CCSER1: variants seen among roughly 807,000 people sequenced by gnomAD.
CCSER1 encodes serine-rich coiled-coil domain-containing protein 1.
CCSER1 carries 41 observed loss-of-function variants against 82.0 expected under a neutral mutation model. The observed-to-expected ratio is 0.50, with a 90% CI of 0.39 to 0.65. The LOEUF (loss-of-function observed/expected upper bound fraction) is 0.65. Among genes scored for constraint, CCSER1 ranks in the 30% least tolerant of loss-of-function variants. The pLI is 0.00. For synonymous variants in CCSER1, 414 were observed against 383.9 expected (o/e 1.08, Z -0.92); for missense variants, 1,119 against 1,064.2 (o/e 1.05, Z -0.72).
At chr4:90,613,446 A>G (rs1720628970) in intron 5 of CCSER1, among the ~76,000 whole-genome samples, 1 of 152,190 alleles carries the variant, frequency 6.6e-6, no homozygotes, top group Non-Finnish European at 1.5e-5. Flanking sequence ...AAGTTCATGA[A>G]TCTGACCATG....
At chr4:90,480,068 T>G (rs532708592) in intron 5 of CCSER1, among the ~76,000 whole-genome samples, 10 of 152,342 alleles carry the variant, frequency 6.6e-5, no homozygotes, top group African/African-American at 1.9e-4. Flanking sequence ...TGATTGCCAT[T>G]CTAACTGGTG....
chr4:90,375,158 A>T (rs74853888), intron 3 of CCSER1, among the ~76,000 whole-genome samples: 1 of 152,132 alleles, frequency 6.6e-6, no homozygotes, highest in African/African-American at 2.4e-5. Flanking sequence ...GGGACTCAAA[A>T]CTTAATTCTA....
chr4:90,433,620 C>T (rs927313657), intron 4 of CCSER1, among the ~76,000 whole-genome samples: 4 of 152,068 alleles, frequency 2.6e-5, no homozygotes, highest in Non-Finnish European at 5.9e-5. Flanking sequence ...ATGTGGACTA[C>T]ACAGCAAGTT....
intron 9 of CCSER1, among the ~76,000 whole-genome samples, chr4:91,047,229 CAT>C (rs939571174): frequency 1.2e-4 from 18 of 149,884 alleles, no homozygotes; most frequent in African/African-American, 1.8e-4. Flanking sequence ...ATATCCAAAG[CAT>C]ATATATATAC....
chr4:90,564,635 T>G (rs1386968022), intron 5 of CCSER1, among the ~76,000 whole-genome samples: 3 of 152,100 alleles, frequency 2.0e-5, no homozygotes, highest in African/African-American at 7.2e-5. Context: ...CTATTTTTTC[T>G]TCCAGTAGTT....
At chr4:91,315,686 CA>C (rs1745782163) in intron 10 of CCSER1, among the ~76,000 whole-genome samples, 1 of 151,904 alleles carries the variant, frequency 6.6e-6, no homozygotes, top group Admixed American at 6.6e-5. Context: ...ATTTGTAAAG[CA>C]TAAGGATAAA....
intron 10 of CCSER1, among the ~76,000 whole-genome samples, chr4:91,293,294 C>T (rs760194450): frequency 4.0e-5 from 6 of 151,784 alleles, no homozygotes; most frequent in Non-Finnish European, 7.4e-5. Context: ...TAATGTCTGT[C>T]GTTTGGGTAT....
intron 3 of CCSER1, among the ~76,000 whole-genome samples, chr4:90,361,767 A>G (rs138390960): frequency 6.6e-6 from 1 of 152,318 alleles, no homozygotes; most frequent in African/African-American, 2.4e-5. Context: ...TTTAGAATGA[A>G]CAATTAACCA....
In CCSER1 at chr4:90,952,146, T is replaced by C. The variant is rs193202176; in HGVS notation, c.2172+28699T>C. Among the ~76,000 whole-genome samples, 710 of 152,224 alleles carry C rather than the reference T, an allele frequency of 4.7e-3. 7 individuals carry two copies. Among genetic ancestry groups the C allele is most frequent in the African/African-American group, 0.016 (665 of 41,566 alleles). On this transcript the variant is annotated intron_variant, in intron 9 of 10. Transcript: ENST00000509176. ...CAATTAAATACTTTTTCTGTTGATA[T>C]ATTAGGAAAATATTTATTAGAAGGG...
intron 9 of CCSER1, among the ~76,000 whole-genome samples, chr4:91,074,058 G>T (rs749557147): frequency 1.3e-5 from 2 of 152,158 alleles, no homozygotes; most frequent in Non-Finnish European, 2.9e-5. Context: ...TACGACTCTT[G>T]TCGTTCTTTG....
intron 9 of CCSER1, among the ~76,000 whole-genome samples, chr4:91,026,601 G>A (rs1740510629): frequency 6.6e-6 from 1 of 152,000 alleles, no homozygotes; most frequent in Non-Finnish European, 1.5e-5. Context: ...AATCCATGAG[G>A]ACTTTTTTCT....
rs529503993 is a variant in CCSER1 at position 91,602,153 on chromosome 4, G to A, written c.*3096G>A. ...ATTTTTGTTATCTAATGATTGACAT[G>A]AAAATAAAATAGTAAGCCAATATTA... On this transcript the variant is annotated 3_prime_UTR_variant, in exon 11 of 11. Coordinates refer to ENST00000509176, the MANE Select transcript of CCSER1 (RefSeq NM_001145065.2). 7.9e-5 allele frequency among the ~76,000 whole-genome samples: 12 copies of A among 152,084 alleles called. 1 individual carries two copies. In the South Asian group the frequency reaches 2.5e-3, roughly 32 times the overall value.
At chr4:91,191,195 A>G (rs979907863) in intron 10 of CCSER1, among the ~76,000 whole-genome samples, 5 of 152,172 alleles carry the variant, frequency 3.3e-5, no homozygotes, top group African/African-American at 1.2e-4. Flanking sequence ...TTCAAAGCTA[A>G]CTGCCTTACC....
intron 10 of CCSER1, among the ~76,000 whole-genome samples, chr4:91,427,307 A>G (rs958938921): frequency 5.3e-5 from 8 of 152,144 alleles, no homozygotes; most frequent in African/African-American, 1.9e-4. Context: ...TATCCTGGAA[A>G]GTATTAGTCA....
chr4:91,314,942 G>A (rs1745725362), intron 10 of CCSER1, among the ~76,000 whole-genome samples: 1 of 151,866 alleles, frequency 6.6e-6, no homozygotes, highest in Admixed American at 6.6e-5. Flanking sequence ...TAGAGGAGTG[G>A]GAAAGTGAGA....
At chr4:91,162,508 C>G (rs889505529) in intron 10 of CCSER1, among the ~76,000 whole-genome samples, 1 of 152,096 alleles carries the variant, frequency 6.6e-6, no homozygotes, top group Non-Finnish European at 1.5e-5. Context: ...AGGAATGGTA[C>G]CAGCTCCTCC....
intron 1 of CCSER1, among the ~76,000 whole-genome samples, chr4:90,222,703 T>C (rs1742369746): frequency 6.6e-6 from 1 of 152,228 alleles, no homozygotes; most frequent in East Asian, 1.9e-4. Context: ...ATCTTTCATA[T>C]TCACATTTGC....
chr4:91,440,838 AC>A (rs1368495016), intron 10 of CCSER1, among the ~76,000 whole-genome samples: 7 of 152,334 alleles, frequency 4.6e-5, no homozygotes, highest in African/African-American at 1.7e-4. Flanking sequence ...AATACTACAA[AC>A]ACCTCTATGC....
chr4:91,152,129 A>C (rs533018350), intron 10 of CCSER1, among the ~76,000 whole-genome samples: 53 of 152,264 alleles, frequency 3.5e-4, no homozygotes, highest in African/African-American at 1.3e-3. Context: ...GTAGGTCTCT[A>C]AGGACTTCCT....
Sources: allele counts gnomAD v4.1 joint callset (sites outside exome capture counted in the v4.1 genomes callset), GRCh38; gene constraint gnomAD v4.1.1; transcripts MANE v1.5; gene names NCBI Gene and HGNC (gene_info 2026-07-23, HGNC 2026-07-21).